Variants in EXOC6B observed in about 807,000 individuals in gnomAD.
The protein encoded by EXOC6B is exocyst complex component 6B, also known as SEC15 homolog B.
A neutral mutation model predicts 113.5 loss-of-function variants in EXOC6B; 54 were observed. The observed-to-expected ratio is 0.48, with a 90% CI of 0.38 to 0.60. EXOC6B has a LOEUF of 0.60. Ranked by LOEUF, EXOC6B falls within the 20% of genes least tolerant of loss-of-function variation. The pLI is 0.00. For synonymous variants in EXOC6B, 357 were observed against 339.0 expected, an observed-to-expected ratio of 1.05 and a Z score of -0.58; for missense variants, 797 against 977.5, an observed-to-expected ratio of 0.82 and a Z score of 2.46.
chr2:72,202,746 CT>C, intron 20 of EXOC6B, among the ~76,000 whole-genome samples: 1 of 152,324 alleles, frequency 6.6e-6, no homozygotes, highest in Admixed American at 6.5e-5. Flanking sequence ...AGCCAGTCTC[CT>C]TGACTAGTCC....
chr2:72,351,673 C>T (rs1388878047), intron 19 of EXOC6B, among the ~76,000 whole-genome samples: 1 of 152,120 alleles, frequency 6.6e-6, no homozygotes, highest in Non-Finnish European at 1.5e-5. Flanking sequence ...TTTAATCAGG[C>T]ATCCTGTTTT....
intron 6 of EXOC6B, among the ~76,000 whole-genome samples, chr2:72,676,428 G>C (rs1676319715): frequency 6.6e-6 from 1 of 152,100 alleles, no homozygotes; most frequent in Admixed American, 6.5e-5. Flanking sequence ...AACAAACATT[G>C]TTTTGCTCTT....
intron 20 of EXOC6B, among the ~76,000 whole-genome samples, chr2:72,246,071 T>C (rs1559054699): frequency 6.6e-6 from 1 of 152,180 alleles, no homozygotes; most frequent in Non-Finnish European, 1.5e-5. Flanking sequence ...CTTTTTTACA[T>C]AGGGACAGGG....
intron 6 of EXOC6B, among the ~76,000 whole-genome samples, chr2:72,600,680 C>A (rs997943429): frequency 1.3e-5 from 2 of 151,784 alleles, no homozygotes; most frequent in African/African-American, 2.4e-5. Flanking sequence ...AGACACAGAC[C>A]CTAACATGGT....
Position 72,688,254 on chromosome 2 carries a change from G to C in EXOC6B, c.669+29849C>G, listed in dbSNP as rs538594258. Among the ~76,000 whole-genome samples, 5 of 152,306 alleles carry C rather than the reference G, an allele frequency of 3.3e-5. No homozygotes were observed. The South Asian group carries it at 8.3e-4, about 25-fold the overall frequency. On this transcript the variant is annotated intron_variant, in intron 6 of 21. Coordinates refer to ENST00000272427, the MANE Select transcript of EXOC6B (RefSeq NM_015189.3). ...GTCTTATTTTAAGTTCCCCCAGAAG[G>C]AGAATCTGAAACAAGGATTTGAGTC...
intron 18 of EXOC6B, among the ~76,000 whole-genome samples, chr2:72,413,696 AAAAAAG>A (rs1694338065): frequency 9.0e-6 from 1 of 111,350 alleles, no homozygotes; most frequent in Non-Finnish European, 1.8e-5. Context: ...AAGAAAAAAA[AAAAAAG>A]AAAAAAGAAA....
chr2:72,657,475 G>A (rs972855223), intron 6 of EXOC6B, among the ~76,000 whole-genome samples: 24 of 149,144 alleles, frequency 1.6e-4, no homozygotes, highest in Non-Finnish European at 2.4e-4. Context: ...CAGGTGATCC[G>A]TCTGCCTCGG....
At chr2:72,185,754 T>TTTA (rs1678384857) in intron 20 of EXOC6B, among the ~76,000 whole-genome samples, 1 of 150,770 alleles carries the variant, frequency 6.6e-6, no homozygotes. Context: ...TTTTTTTTTT[T>TTTA]AATTATACTT....
intron 20 of EXOC6B, among the ~76,000 whole-genome samples, chr2:72,213,833 G>A (rs1044334822): frequency 2.0e-5 from 3 of 152,118 alleles, no homozygotes; most frequent in Non-Finnish European, 2.9e-5. Flanking sequence ...ATGCCAGAAA[G>A]TGTACCCTCA....
intron 6 of EXOC6B, among the ~76,000 whole-genome samples, chr2:72,638,957 C>G (rs375092534): frequency 6.6e-6 from 1 of 152,178 alleles, no homozygotes; most frequent in African/African-American, 2.4e-5. Context: ...TGCAGGGCAA[C>G]CTCAGGTGCC....
intron 5 of EXOC6B, among the ~76,000 whole-genome samples, chr2:72,729,577 C>T (rs1680512434): frequency 6.6e-6 from 1 of 151,894 alleles, no homozygotes. Flanking sequence ...GTGTGTACCA[C>T]CATGCCCAGC....
intron 18 of EXOC6B, among the ~76,000 whole-genome samples, chr2:72,414,371 T>G (rs1236816418): frequency 1.3e-5 from 2 of 152,198 alleles, no homozygotes; most frequent in African/African-American, 4.8e-5. Context: ...TGGCTGCTTC[T>G]CAAGTGTATG....
chr2:72,680,224 A>G (rs966094526), intron 6 of EXOC6B, among the ~76,000 whole-genome samples: 1 of 152,202 alleles, frequency 6.6e-6, no homozygotes, highest in African/African-American at 2.4e-5. Context: ...AGGGTTCTAA[A>G]AAATCATAGG....
At chr2:72,571,570 C>T (rs917191729) in intron 7 of EXOC6B, among the ~76,000 whole-genome samples, 4 of 152,002 alleles carry the variant, frequency 2.6e-5, no homozygotes, top group African/African-American at 7.3e-5. Flanking sequence ...ACTAGAAATA[C>T]GTTTCTTTAT....
At chr2:72,655,295 A>T (rs1674496400) in intron 6 of EXOC6B, among the ~76,000 whole-genome samples, 1 of 152,172 alleles carries the variant, frequency 6.6e-6, no homozygotes, top group Non-Finnish European at 1.5e-5. Context: ...ACTGCATGCT[A>T]ACTTATTCAA....
chr2:72,487,942 G>C (rs1466645409), intron 16 of EXOC6B, among the ~76,000 whole-genome samples: 1 of 152,178 alleles, frequency 6.6e-6, no homozygotes, highest in Non-Finnish European at 1.5e-5. Context: ...TTGGAAACAA[G>C]TCACTAAGCA....
At chr2:72,578,520 G>C (rs564102815) in intron 6 of EXOC6B, among the ~76,000 whole-genome samples, 121 of 151,882 alleles carry the variant, frequency 8.0e-4, no homozygotes, top group Admixed American at 9.2e-4. Flanking sequence ...CAAAACCCAA[G>C]TACAATTCTT....
intron 6 of EXOC6B, among the ~76,000 whole-genome samples, chr2:72,593,704 A>T (rs1706129541): frequency 6.6e-6 from 1 of 152,028 alleles, no homozygotes; most frequent in Admixed American, 6.5e-5. Flanking sequence ...ATTATTAGAT[A>T]CAGACTTTAA....
chr2:72,709,503 C>T (rs1391329302), intron 6 of EXOC6B, among the ~76,000 whole-genome samples: 1 of 152,064 alleles, frequency 6.6e-6, no homozygotes, highest in Non-Finnish European at 1.5e-5. Context: ...GAAACTACAG[C>T]CACCAGTAAA....
Sources: allele counts gnomAD v4.1 joint callset (sites outside exome capture counted in the v4.1 genomes callset), GRCh38; gene constraint gnomAD v4.1.1; transcripts MANE v1.5; gene names NCBI Gene and HGNC (gene_info 2026-07-23, HGNC 2026-07-21).